SCAMP1: variants seen among roughly 807,000 people sequenced by gnomAD.
The protein encoded by SCAMP1 is secretory carrier-associated membrane protein 1.
In SCAMP1, 15 loss-of-function variants were observed where a neutral mutation model predicts 41.8. The ratio of observed to expected loss-of-function variants is 0.36; its 90% CI spans 0.24 to 0.55. The LOEUF (loss-of-function observed/expected upper bound fraction) is 0.55, where lower values mean the gene tolerates loss of function less well. Ranked by LOEUF, SCAMP1 falls within the 20% of genes least tolerant of loss-of-function variation. The probability of loss-of-function intolerance (pLI) is 0.86; values close to 1 mark genes in which losing one functional copy is unlikely to be tolerated. For synonymous variants in SCAMP1, 135 were observed against 136.8 expected, an observed-to-expected ratio of 0.99 and a Z score of 0.09; for missense variants, 341 against 412.6, an observed-to-expected ratio of 0.83 and a Z score of 1.50.
At chr5:78,370,039 A>G (rs1277488836) in intron 1 of SCAMP1, among the ~76,000 whole-genome samples, 1 of 152,234 alleles carries the variant, frequency 6.6e-6, no homozygotes, top group Non-Finnish European at 1.5e-5. Context: ...GGGATGTGCC[A>G]TGTCATGAAG....
intron 2 of SCAMP1, among the ~76,000 whole-genome samples, chr5:78,398,100 A>T (rs1485480161): frequency 1.3e-5 from 2 of 152,236 alleles, no homozygotes; most frequent in African/African-American, 4.8e-5. Flanking sequence ...ACTCTTGGGT[A>T]CATACCCAAA....
At chr5:78,455,745 C>T (rs1222956733) in intron 7 of SCAMP1, among the ~76,000 whole-genome samples, 2 of 137,902 alleles carry the variant, frequency 1.5e-5, no homozygotes, top group African/African-American at 5.5e-5. Flanking sequence ...TCCTTATTGA[C>T]TTTCTGTCTT....
intron 8 of SCAMP1, among the ~76,000 whole-genome samples, chr5:78,466,301 T>G (rs1753743828): frequency 6.6e-6 from 1 of 152,146 alleles, no homozygotes; most frequent in South Asian, 2.1e-4. Context: ...GCCCCCCAAT[T>G]CAGTTATTTA....
chr5:78,449,202 CAAT>C (rs985926803), intron 6 of SCAMP1, among the ~76,000 whole-genome samples: 21 of 151,772 alleles, frequency 1.4e-4, no homozygotes, highest in African/African-American at 4.8e-4. Context: ...TGAATAATAA[CAAT>C]AATAACTTTA....
intron 5 of SCAMP1, among the ~76,000 whole-genome samples, chr5:78,420,603 G>T (rs1561268762): frequency 6.6e-6 from 1 of 152,102 alleles, no homozygotes; most frequent in Admixed American, 6.6e-5. Flanking sequence ...AGTGGGAAAA[G>T]CTCCTGCATT....
chr5:78,415,481 C>A, intron 2 of SCAMP1, 39 bp from the exon 3 acceptor site: 3 of 1,236,134 alleles, frequency 2.4e-6, no homozygotes, highest in South Asian at 1.3e-5. Flanking sequence ...AAAGTTGGAT[C>A]TCTGTGTTAC....
At chr5:78,364,584 T>C (rs1750746602) in intron 1 of SCAMP1, among the ~76,000 whole-genome samples, 1 of 152,158 alleles carries the variant, frequency 6.6e-6, no homozygotes. Flanking sequence ...TCTAGTCCAT[T>C]ACTGGTGACA....
At chr5:78,466,312 A>T (rs993463733) in intron 8 of SCAMP1, among the ~76,000 whole-genome samples, 2 of 152,222 alleles carry the variant, frequency 1.3e-5, no homozygotes, top group African/African-American at 4.8e-5. Flanking sequence ...CAGTTATTTA[A>T]TGGCCATGAT....
At chr5:78,463,014 T>A (rs1375736042) in intron 8 of SCAMP1, among the ~76,000 whole-genome samples, 1 of 61,962 alleles carries the variant, frequency 1.6e-5, no homozygotes, top group Non-Finnish European at 3.5e-5. Context: ...TTACCTTATA[T>A]TTAAAACCAC....
chr5:78,470,929 T>G (rs185993426), intron 8 of SCAMP1, among the ~76,000 whole-genome samples: 1 of 152,292 alleles, frequency 6.6e-6, no homozygotes, highest in Admixed American at 6.5e-5. Flanking sequence ...AACACAGGTA[T>G]AGTCTCCTTA....
intron 2 of SCAMP1, among the ~76,000 whole-genome samples, chr5:78,398,279 A>G (rs1751703956): frequency 6.6e-6 from 1 of 151,368 alleles, no homozygotes; most frequent in African/African-American, 2.4e-5. Flanking sequence ...TGCCTTCACC[A>G]TTATCAAACA....
At chr5:78,450,614 T>C (rs1354671045) in intron 7 of SCAMP1, among the ~76,000 whole-genome samples, 5 of 152,192 alleles carry the variant, frequency 3.3e-5, no homozygotes, top group Non-Finnish European at 7.4e-5. Flanking sequence ...AGGTCTCTCT[T>C]TACATTCTGA....
At chr5:78,424,675 G>A (rs555384749) in intron 6 of SCAMP1, among the ~76,000 whole-genome samples, 16 of 152,030 alleles carry the variant, frequency 1.1e-4, no homozygotes, top group East Asian at 1.9e-4. Flanking sequence ...AGCCAAGATC[G>A]TGCTACTGCA....
chr5:78,371,943 T>C (rs1243011596), intron 1 of SCAMP1, among the ~76,000 whole-genome samples: 2 of 152,226 alleles, frequency 1.3e-5, no homozygotes, highest in Non-Finnish European at 2.9e-5. Context: ...GGATTTGTGA[T>C]AGTTATACAT....
intron 6 of SCAMP1, among the ~76,000 whole-genome samples, chr5:78,429,525 A>G (rs1436556364): frequency 6.6e-6 from 1 of 151,784 alleles, no homozygotes; most frequent in Non-Finnish European, 1.5e-5. Context: ...CATACTTTCC[A>G]TTTGGTCATT....
intron 6 of SCAMP1, among the ~76,000 whole-genome samples, chr5:78,444,827 A>G (rs1753015391): frequency 6.6e-6 from 1 of 152,232 alleles, no homozygotes; most frequent in African/African-American, 2.4e-5. Flanking sequence ...GTGCCTATGC[A>G]TTCCCAGCTA....
chr5:78,439,694 T>C (rs1752867775), intron 6 of SCAMP1, among the ~76,000 whole-genome samples: 1 of 152,232 alleles, frequency 6.6e-6, no homozygotes. Flanking sequence ...TAATGTGTCT[T>C]GGAGTTGCTC....
At position 78,426,187 on chromosome 5, in the gene SCAMP1, A is replaced by G. The variant is rs183386632; in HGVS notation, c.632+4227A>G. ...ATATGTGCCACATTTTCTTTATCCA[A>G]TCTATCACTGATGGGCATTTGGGTT... On this transcript the variant is annotated intron_variant, in intron 6 of 8. Coordinates refer to ENST00000621999, the MANE Select transcript of SCAMP1 (RefSeq NM_004866.6). Among the ~76,000 whole-genome samples, 304 of 152,114 alleles carry G rather than the reference A, an allele frequency of 2.0e-3. 1 individual carries two copies. The highest frequency in any genetic ancestry group is 6.3e-3 in the African/African-American group (261 of 41,512).
intron 6 of SCAMP1, among the ~76,000 whole-genome samples, chr5:78,435,209 T>C (rs1420436227): frequency 2.6e-5 from 4 of 152,214 alleles, no homozygotes; most frequent in African/African-American, 9.6e-5. Context: ...TGCAGGCTTA[T>C]TAACATGACC....
Sources: allele counts gnomAD v4.1 joint callset (sites outside exome capture counted in the v4.1 genomes callset), GRCh38; gene constraint gnomAD v4.1.1; transcripts MANE v1.5; gene names NCBI Gene and HGNC (gene_info 2026-07-23, HGNC 2026-07-21).